PODN: variants seen among roughly 807,000 people sequenced by gnomAD.
PODN encodes the protein podocan.
In PODN, 40 loss-of-function variants were observed where a neutral mutation model predicts 52.7. The ratio of observed to expected loss-of-function variants is 0.76; its 90% CI spans 0.59 to 0.99. PODN has a LOEUF of 0.99. Among genes scored for constraint, PODN ranks in the 50% least tolerant of loss-of-function variants. The pLI is 0.00. For synonymous variants in PODN, 396 were observed against 377.9 expected (o/e 1.05, Z -0.56); for missense variants, 720 against 815.1 (o/e 0.88, Z 1.42).
At chr1:53,067,281 G>T (rs900862139) in intron 1 of PODN, among the ~76,000 whole-genome samples, 16 of 152,024 alleles carry the variant, frequency 1.1e-4, no homozygotes, top group African/African-American at 3.9e-4. Flanking sequence ...AAGCAAGCCT[G>T]GCTGCCACCC....
chr1:53,067,572 G>A (rs977732899), intron 1 of PODN, among the ~76,000 whole-genome samples: 4 of 152,244 alleles, frequency 2.6e-5, no homozygotes, highest in African/African-American at 7.2e-5. Context: ...AGGCGGCTAC[G>A]ATGTCTGCAA....
intron 6 of PODN, 127 bp from the exon 7 acceptor site, chr1:53,077,558 C>T: frequency 1.7e-6 from 2 of 1,157,446 alleles, no homozygotes; most frequent in Non-Finnish European, 2.5e-6. Flanking sequence ...GGCCCCACAC[C>T]TGGGTTGCTT....
At chr1:53,071,691 T>C in intron 3 of PODN, 63 bp downstream of exon 3, 2 of 1,481,836 alleles carry the variant, frequency 1.3e-6, no homozygotes, top group Non-Finnish European at 1.9e-6. Context: ...GCCTGAACGA[T>C]GCTGGGTGCC....
At chr1:53,077,613 A>T in intron 6 of PODN, 72 bp from the exon 7 acceptor site, 1 of 1,426,680 alleles carries the variant, frequency 7.0e-7, no homozygotes, top group Non-Finnish European at 9.6e-7. Flanking sequence ...TCCTCTCCAC[A>T]CCTCATCCCG....
At chr1:53,067,012 G>A (rs1323878400) in intron 1 of PODN, 3 of 743,928 alleles carry the variant, frequency 4.0e-6, no homozygotes, top group Non-Finnish European at 6.6e-6. Flanking sequence ...AGATGGGCAA[G>A]TGGCTAATGG....
At chr1:53,076,337 G>C (rs4926951) in intron 5 of PODN, among the ~76,000 whole-genome samples, 511 of 152,312 alleles carry the variant, frequency 3.4e-3, no homozygotes, top group Admixed American at 0.015. Flanking sequence ...GGGGGCTGCC[G>C]GGGAGCCGCC....
intron 1 of PODN, among the ~76,000 whole-genome samples, chr1:53,064,479 G>A (rs367801843): frequency 5.1e-4 from 78 of 152,358 alleles, no homozygotes; most frequent in African/African-American, 1.8e-3. Context: ...AGATGCAGCT[G>A]TTTGGGGCCC....
Position 53,074,631 on chromosome 1 carries a change from T to C in PODN, c.432T>C (p.His144=), listed in dbSNP as rs761462594. ...SRGLPEKAFE[H]LTNLNYLYLA... is the part of the protein sequence containing the mutation. ...GGCTCCCAGAGAAGGCGTTTGAGCA[T>C]CTGACCAACCTCAATTACCTGTACT... The change falls in exon 4 of 11, where the codon CAT becomes CAC. Residue 144 remains histidine, a synonymous_variant. Coordinates refer to ENST00000312553, the MANE Select transcript of PODN (RefSeq NM_153703.5). The C allele has an allele frequency of 6.2e-7, 1 of 1,614,038 alleles. No individual in the cohort carries two copies. The highest frequency in any genetic ancestry group is 1.1e-5 in the South Asian group (1 of 91,084).
chr1:53,085,150 C>T lies in PODN; in HGVS notation c.*665C>T, dbSNP rs941130337. ...GACTGCTGGCCTGGCCTGGCCCACC[C>T]TGCTCCTCCAGGTGCTGGGCAGTCA... On this transcript the variant is annotated 3_prime_UTR_variant, in exon 11 of 11. Coordinates refer to ENST00000312553, the MANE Select transcript of PODN (RefSeq NM_153703.5). The T allele has an allele frequency of 1.1e-4, 16 of 152,308 alleles. No homozygotes were observed. The highest frequency in any genetic ancestry group is 3.6e-4 in the African/African-American group (15 of 41,560). The allele number at this position is 152,308 out of a possible 1,614,324, so 9.4% of individuals were successfully genotyped here.
chr1:53,063,395 G>T, intron 1 of PODN: 3 of 985,798 alleles, frequency 3.0e-6, no homozygotes, highest in Non-Finnish European at 3.6e-6. Flanking sequence ...GGTCTGCCCT[G>T]CTCCACGAGG....
intron 2 of PODN, among the ~76,000 whole-genome samples, chr1:53,070,677 G>A (rs1288846786): frequency 1.3e-5 from 2 of 152,216 alleles, no homozygotes; most frequent in South Asian, 2.1e-4. Context: ...ACCCATCCTC[G>A]CCTTGTGCGG....
chr1:53,072,530 C>T (rs1644134410), intron 3 of PODN, among the ~76,000 whole-genome samples: 1 of 152,196 alleles, frequency 6.6e-6, no homozygotes, highest in Admixed American at 6.5e-5. Context: ...TAACATCCAA[C>T]ATGTGAGATT....
chr1:53,063,602 C>A, intron 1 of PODN: 7 of 984,432 alleles, frequency 7.1e-6, no homozygotes, highest in Non-Finnish European at 8.4e-6. Flanking sequence ...TGGGAAAGAC[C>A]AGGGGGGACT....
chr1:53,079,133 T>C lies in PODN; in HGVS notation c.1512+111T>C, dbSNP rs927542093. On this transcript the variant is annotated intron_variant, in intron 8 of 10. Transcript: ENST00000312553. ...GAGAAGGGCTGGGTGGTGAGGGAGG[T>C]TCCTCTGGTATGGCCAGGCTGAGCT... 1.0e-5 allele frequency: 14 copies of C among 1,336,350 alleles called. No homozygotes were observed. In the African/African-American group the frequency reaches 1.8e-4, roughly 17 times the overall value. The allele number at this position is 1,336,350 out of a possible 1,614,324, so 82.8% of individuals were successfully genotyped here.
chr1:53,082,093 C>A lies in PODN; in HGVS notation c.1774C>A (p.Arg592Ser), dbSNP rs768129402. ...AGAGTTTGGTGACATTTCCAAGGAC[C>A]GTGGCCGCTTGGGGAAGGAAAAGGA... is the stretch of plus-strand genomic sequence containing the variant. ...NLEFGDISKDRGRLGKEKEEE... is the reference protein window; with the variant it reads ...NLEFGDISKDSGRLGKEKEEE... Residue 592 changes from arginine to serine, a missense_variant, in exon 10 of 11, where the codon CGT becomes AGT. Transcript: ENST00000312553. 6.2e-7 allele frequency: 1 copy of A among 1,613,542 alleles called. No homozygotes were observed. Among genetic ancestry groups the A allele is most frequent in the African/African-American group, 1.3e-5 (1 of 74,768 alleles).
chr1:53,063,466 T>C (rs1643989350), intron 1 of PODN: 2 of 985,550 alleles, frequency 2.0e-6, no homozygotes, highest in Non-Finnish European at 2.4e-6. Context: ...CTCCTTTATA[T>C]AGAAACCTTC....
chr1:53,077,740 G>C lies in PODN; in HGVS notation c.794G>C (p.Arg265Pro). Residue 265 changes from arginine to proline, a missense_variant, in exon 7 of 11, where the codon CGC becomes CCC. Physicochemically the swap from Arg to Pro is moderately radical, Grantham distance 103. Transcript: ENST00000312553. ...PGAFSELSSL[R>P]ELYLQNNYLT... ...GCCTTCAGCGAGCTGAGCAGCCTGC[G>C]CGAGCTATACCTGCAGAACAACTAC... The C allele has an allele frequency of 5.6e-6, 9 of 1,613,724 alleles. No homozygotes were observed. The highest frequency in any genetic ancestry group is 6.8e-6 in the Non-Finnish European group (8 of 1,179,982).
Position 53,071,636 on chromosome 1 carries a change from G to A in PODN, c.406+8G>A. 6.2e-7 allele frequency: 1 copy of A among 1,609,030 alleles called. No individual in the cohort carries two copies. ...ACCGCCTGACTTCCCGAGGTGAGGG[G>A]CCACCCAGAGCCCAGGGTCAGGGAC... is the stretch of plus-strand genomic sequence containing the variant. On this transcript the variant is annotated splice_region_variant and intron_variant, in intron 3 of 10. Transcript: ENST00000312553.
chr1:53,071,798 C>T (rs1644122662), intron 3 of PODN, among the ~76,000 whole-genome samples, 170 bp downstream of exon 3: 1 of 151,678 alleles, frequency 6.6e-6, no homozygotes, highest in Non-Finnish European at 1.5e-5. Context: ...ACCAGCTCCA[C>T]ACGGGCAAGG....
Sources: allele counts gnomAD v4.1 joint callset (sites outside exome capture counted in the v4.1 genomes callset), GRCh38; gene constraint gnomAD v4.1.1; transcripts MANE v1.5; gene names NCBI Gene and HGNC (gene_info 2026-07-23, HGNC 2026-07-21).